The following SDK1 variants were observed in gnomAD, a reference collection of about 807,000 sequenced individuals.
SDK1 encodes protein sidekick-1.
In SDK1, 157 loss-of-function variants were observed where a neutral mutation model predicts 245.5. The observed-to-expected ratio is 0.64, with a 90% CI of 0.56 to 0.73. The LOEUF (loss-of-function observed/expected upper bound fraction) is 0.73. Ranked by LOEUF, SDK1 falls within the 30% of genes least tolerant of loss-of-function variation. The pLI is 0.00. For synonymous variants in SDK1, 1,647 were observed against 1,278.5 expected, an observed-to-expected ratio of 1.29 and a Z score of -6.15; for missense variants, 3,583 against 3,002.3, an observed-to-expected ratio of 1.19 and a Z score of -4.52.
intron 1 of SDK1, among the ~76,000 whole-genome samples, chr7:3,586,823 A>G (rs896061415): frequency 2.6e-5 from 4 of 152,110 alleles, no homozygotes; most frequent in African/African-American, 7.2e-5. Flanking sequence ...TTTGGGGGCA[A>G]GGGGAAAGCA....
chr7:3,986,432 G>T (rs1340344068), intron 13 of SDK1, among the ~76,000 whole-genome samples: 2 of 152,116 alleles, frequency 1.3e-5, no homozygotes, highest in Non-Finnish European at 2.9e-5. Context: ...AGGCATTTTC[G>T]CTCATAACTC....
In SDK1 at chr7:4,098,016, G is replaced by T. The variant is rs139200930; in HGVS notation, c.3325-12647G>T. ...AGGTGCTGGGGAGACAGGTGACAAT[G>T]ACATACATACTCAGAAATCTCAGAA... On this transcript the variant is annotated intron_variant, in intron 22 of 44. Coordinates refer to ENST00000404826, the MANE Select transcript of SDK1 (RefSeq NM_152744.4). 9.0e-3 allele frequency among the ~76,000 whole-genome samples: 1,369 copies of T among 152,234 alleles called. 9 individuals carry two copies. Among genetic ancestry groups the T allele is most frequent in the Non-Finnish European group, 0.015 (990 of 68,010 alleles).
chr7:3,893,030 C>T (rs964553660), intron 5 of SDK1, among the ~76,000 whole-genome samples: 3 of 152,122 alleles, frequency 2.0e-5, no homozygotes, highest in Admixed American at 1.3e-4. Flanking sequence ...CCAATTTGAG[C>T]GGGAAGCCCA....
At chr7:4,155,535 A>G (rs1780675469) in intron 30 of SDK1, among the ~76,000 whole-genome samples, 1 of 152,234 alleles carries the variant, frequency 6.6e-6, no homozygotes, top group South Asian at 2.1e-4. Flanking sequence ...GTGAAGTACT[A>G]AACAGTGGAG....
chr7:3,513,205 G>C (rs1459235619), intron 1 of SDK1, among the ~76,000 whole-genome samples: 1 of 152,188 alleles, frequency 6.6e-6, no homozygotes, highest in African/African-American at 2.4e-5. Context: ...AGTTCTCCCA[G>C]CACCACTGTG....
intron 1 of SDK1, among the ~76,000 whole-genome samples, chr7:3,325,916 A>G (rs920265610): frequency 6.6e-6 from 1 of 152,124 alleles, no homozygotes; most frequent in South Asian, 2.1e-4. Flanking sequence ...CTCCCCTTTG[A>G]GAGGCCTAGG....
At chr7:3,816,280 C>T (rs1236086527) in intron 4 of SDK1, among the ~76,000 whole-genome samples, 1 of 151,872 alleles carries the variant, frequency 6.6e-6, no homozygotes, top group Non-Finnish European at 1.5e-5. Flanking sequence ...ACACAAAAAA[C>T]CCTTCAAAAA....
At chr7:3,454,388 T>TTGTATGTGTGTGTGTG (rs1780610137) in intron 1 of SDK1, among the ~76,000 whole-genome samples, 1 of 141,686 alleles carries the variant, frequency 7.1e-6, no homozygotes, top group Non-Finnish European at 1.5e-5. Flanking sequence ...TCCCCAAGAT[T>TTGTATGTGTGTGTGTG]TGTGTGTGTG....
intron 2 of SDK1, among the ~76,000 whole-genome samples, chr7:3,634,865 T>C (rs1752824425): frequency 6.6e-6 from 1 of 152,234 alleles, no homozygotes; most frequent in African/African-American, 2.4e-5. Context: ...TTTTGGGCGT[T>C]AGTACGGAGG....
intron 35 of SDK1, among the ~76,000 whole-genome samples, chr7:4,204,102 C>T (rs915248268): frequency 3.3e-5 from 5 of 152,220 alleles, no homozygotes; most frequent in Non-Finnish European, 5.9e-5. Context: ...CTGGGGCTGT[C>T]GCGGGGGGAG....
At chr7:4,060,552 G>C (rs931753720) in intron 19 of SDK1, among the ~76,000 whole-genome samples, 3 of 151,982 alleles carry the variant, frequency 2.0e-5, no homozygotes, top group African/African-American at 7.3e-5. Flanking sequence ...CCCTTTGTCA[G>C]ATGAGTAGGT....
At chr7:3,756,213 G>T (rs115723515) in intron 4 of SDK1, among the ~76,000 whole-genome samples, 1,676 of 147,920 alleles carry the variant, frequency 0.011, 50 homozygotes, top group African/African-American at 0.04. Flanking sequence ...TAGCACCTGT[G>T]ACACATGCAT....
intron 28 of SDK1, 50 bp downstream of exon 28, chr7:4,132,473 G>T: frequency 7.2e-7 from 1 of 1,380,052 alleles, no homozygotes; most frequent in South Asian, 1.2e-5. Flanking sequence ...TGTCATCCCA[G>T]CACCTTGGGA....
chr7:3,869,867 G>T (rs1562502902), intron 5 of SDK1, among the ~76,000 whole-genome samples: 1 of 152,110 alleles, frequency 6.6e-6, no homozygotes, highest in Non-Finnish European at 1.5e-5. Context: ...TAATACATTG[G>T]TTCCTTTGGT....
intron 1 of SDK1, among the ~76,000 whole-genome samples, chr7:3,356,795 T>C (rs1464530565): frequency 6.6e-6 from 1 of 152,100 alleles, no homozygotes; most frequent in Non-Finnish European, 1.5e-5. Context: ...CGGTGGCTCA[T>C]GCCTGTAATC....
At chr7:4,130,963 G>A (rs368106220) in intron 27 of SDK1, among the ~76,000 whole-genome samples, 1 of 152,130 alleles carries the variant, frequency 6.6e-6, no homozygotes, top group African/African-American at 2.4e-5. Context: ...CTCTCTCCAC[G>A]TTGCTGAGAG....
At chr7:3,884,186 T>C (rs1258228308) in intron 5 of SDK1, among the ~76,000 whole-genome samples, 1 of 151,758 alleles carries the variant, frequency 6.6e-6, no homozygotes. Context: ...GCTCAAGCGA[T>C]CCTCCCACCT....
chr7:3,683,254 T>G (rs1418682533), intron 4 of SDK1, among the ~76,000 whole-genome samples: 1 of 152,184 alleles, frequency 6.6e-6, no homozygotes, highest in Non-Finnish European at 1.5e-5. Flanking sequence ...TCCCCAATGT[T>G]GATAACAGGA....
intron 35 of SDK1, among the ~76,000 whole-genome samples, chr7:4,190,752 A>ACGCTAT (rs757130280): frequency 6.6e-6 from 1 of 152,332 alleles, no homozygotes; most frequent in South Asian, 2.1e-4. Flanking sequence ...TCTGCAGCAT[A>ACGCTAT]CGCTATCCCG....
Sources: gnomAD v4.1 joint callset for allele counts (sites outside exome capture counted in the v4.1 genomes callset) on GRCh38, gnomAD v4.1.1 for gene constraint, MANE v1.5 for transcripts, NCBI Gene and HGNC (gene_info 2026-07-23, HGNC 2026-07-21) for gene names.